Variants in WDFY4 observed in about 807,000 individuals in gnomAD.
WDFY4 encodes the protein WD repeat- and FYVE domain-containing protein 4.
WDFY4 carries 169 observed loss-of-function variants against 351.9 expected under a neutral mutation model. The observed-to-expected ratio is 0.48, with a 90% CI of 0.42 to 0.55. WDFY4 has a LOEUF of 0.55. Ranked by LOEUF, WDFY4 falls within the 20% of genes least tolerant of loss-of-function variation. The pLI is 0.00. For synonymous variants in WDFY4, 1,622 were observed against 1,574.6 expected (o/e 1.03, Z -0.71); for missense variants, 3,803 against 3,935.6 (o/e 0.97, Z 0.90).
At position 48,784,748 on chromosome 10, in the gene WDFY4, G is replaced by T. The variant is rs184845339; in HGVS notation, c.3577-1891G>T. Among the ~76,000 whole-genome samples the T allele has an allele frequency of 3.5e-3, 525 of 150,350 alleles. 4 individuals are homozygous for T. Among genetic ancestry groups the T allele is most frequent in the African/African-American group, 0.012 (492 of 40,950 alleles). ...GTAGAGATGGGTTTTCACTATGTTGGCCAGGATGGTCTCAATCTCCTGACC... is the reference window on the plus strand; with the variant it reads ...GTAGAGATGGGTTTTCACTATGTTGTCCAGGATGGTCTCAATCTCCTGACC... On this transcript the variant is annotated intron_variant, in intron 19 of 61. Coordinates refer to ENST00000325239, the MANE Select transcript of WDFY4 (RefSeq NM_001394531.1).
chr10:48,840,924 C>A (rs1367570630), intron 39 of WDFY4, among the ~76,000 whole-genome samples: 1 of 152,152 alleles, frequency 6.6e-6, no homozygotes, highest in African/African-American at 2.4e-5. Flanking sequence ...ACATCTTTAT[C>A]TTCATAATAG....
intron 53 of WDFY4, among the ~76,000 whole-genome samples, chr10:48,963,071 G>T (rs1841930752): frequency 6.6e-6 from 1 of 152,210 alleles, no homozygotes; most frequent in Admixed American, 6.5e-5. Context: ...GATGCCCCCT[G>T]TGAGGTTCTG....
intron 51 of WDFY4, among the ~76,000 whole-genome samples, chr10:48,947,324 T>C (rs10776659): frequency 0.4 from 60,392 of 151,708 alleles, 13,781 homozygotes; most frequent in Non-Finnish European, 0.52. Context: ...ATTAGAAAAA[T>C]AAATACGAGA....
chr10:48,911,757 T>C (rs555290782), intron 47 of WDFY4, among the ~76,000 whole-genome samples: 1 of 152,300 alleles, frequency 6.6e-6, no homozygotes, highest in Non-Finnish European at 1.5e-5. Context: ...TAAGCTACTA[T>C]ATTTAGTAGT....
chr10:48,890,693 G>A lies in WDFY4; in HGVS notation c.7282G>A (p.Gly2428Ser), dbSNP rs1283813879. Residue 2428 changes from glycine to serine, a missense_variant, in exon 44 of 62, where the codon GGT (glycine) becomes AGT (serine). This residue lies in a region of WDFY4 where 3,054 missense variants were observed against 3,148.6 expected (regional missense o/e 0.97). Coordinates refer to ENST00000325239, the MANE Select transcript of WDFY4 (RefSeq NM_001394531.1). ...ICENFTLSPT[G>S]DVYCTRHCLS... Reference sequence around the variant, plus strand: ...CGAGAACTTCACACTGTCTCCCACGGGTGATGTCTACTGTACCCGTCACTG... The same window carrying A: ...CGAGAACTTCACACTGTCTCCCACGAGTGATGTCTACTGTACCCGTCACTG... The A allele has an allele frequency of 6.4e-6, 10 of 1,551,484 alleles. No individual in the cohort carries two copies. The highest frequency in any genetic ancestry group is 8.7e-6 in the Non-Finnish European group (10 of 1,146,982).
chr10:48,813,739 T>G (rs2067530587), intron 30 of WDFY4, among the ~76,000 whole-genome samples: 1 of 152,224 alleles, frequency 6.6e-6, no homozygotes. Flanking sequence ...TACATGCCAG[T>G]CTCTAGGGGA....
chr10:48,972,129 T>G (rs1357981020), intron 57 of WDFY4, among the ~76,000 whole-genome samples: 1 of 152,214 alleles, frequency 6.6e-6, no homozygotes, highest in Non-Finnish European at 1.5e-5. Flanking sequence ...GAATCCCACA[T>G]GCTCTTATTT....
chr10:48,970,652 G>T (rs992931783), intron 57 of WDFY4, among the ~76,000 whole-genome samples: 2 of 152,158 alleles, frequency 1.3e-5, no homozygotes, highest in Non-Finnish European at 2.9e-5. Flanking sequence ...AATATTTTTT[G>T]AGCATTTTGC....
At chr10:48,761,202 G>A (rs559970172) in intron 13 of WDFY4, among the ~76,000 whole-genome samples, 63 of 152,296 alleles carry the variant, frequency 4.1e-4, no homozygotes, top group African/African-American at 1.4e-3. Flanking sequence ...CAAATTGGAA[G>A]GGCCAGGAGC....
intron 12 of WDFY4, among the ~76,000 whole-genome samples, chr10:48,746,526 T>C (rs2065019986): frequency 6.6e-6 from 1 of 152,326 alleles, no homozygotes; most frequent in Middle Eastern, 3.4e-3. Flanking sequence ...TGTGGTATTA[T>C]TTCTCATTTA....
At chr10:48,799,742 C>T (rs184481475) in intron 24 of WDFY4, among the ~76,000 whole-genome samples, 128 of 152,276 alleles carry the variant, frequency 8.4e-4, no homozygotes, top group African/African-American at 2.9e-3. Flanking sequence ...CATTGCATTC[C>T]AGCCTGGGCG....
chr10:48,935,116 G>A (rs1272041906), intron 47 of WDFY4: 1 of 152,276 alleles, frequency 6.6e-6, no homozygotes. Context: ...GATCCAAGCA[G>A]TTGTTTGGCA....
At chr10:48,778,324 A>G (rs1316432358) in intron 17 of WDFY4, among the ~76,000 whole-genome samples, 1 of 152,184 alleles carries the variant, frequency 6.6e-6, no homozygotes, top group Non-Finnish European at 1.5e-5. Flanking sequence ...GCCCTTTCCT[A>G]TCCAAGGTTC....
At chr10:48,958,417 C>T (rs902367683) in intron 52 of WDFY4, among the ~76,000 whole-genome samples, 2 of 152,076 alleles carry the variant, frequency 1.3e-5, no homozygotes, top group African/African-American at 2.4e-5. Context: ...CTGGCCAGCC[C>T]GGGGTTAGAG....
intron 1 of WDFY4, among the ~76,000 whole-genome samples, chr10:48,690,774 C>T (rs1481707538): frequency 6.6e-6 from 1 of 152,228 alleles, no homozygotes; most frequent in South Asian, 2.1e-4. Context: ...TCTCCATCCT[C>T]TGCTCTGTTC....
intron 47 of WDFY4, among the ~76,000 whole-genome samples, chr10:48,914,549 C>A (rs946228170): frequency 7.9e-5 from 12 of 152,182 alleles, no homozygotes; most frequent in African/African-American, 2.2e-4. Flanking sequence ...CAACCCAGAG[C>A]CATGTGTGTG....
chr10:48,960,964 T>G (rs1841832774), intron 53 of WDFY4, among the ~76,000 whole-genome samples: 1 of 152,248 alleles, frequency 6.6e-6, no homozygotes, highest in African/African-American at 2.4e-5. Flanking sequence ...GGGGACTTTT[T>G]GAGCCGAGGG....
chr10:48,918,383 A>G (rs573273664), intron 47 of WDFY4, among the ~76,000 whole-genome samples: 2 of 152,216 alleles, frequency 1.3e-5, no homozygotes, highest in Non-Finnish European at 2.9e-5. Context: ...AAAAGAATGT[A>G]AAAAGACATA....
At chr10:48,754,113 A>C (rs1253309730) in intron 12 of WDFY4, among the ~76,000 whole-genome samples, 1 of 152,154 alleles carries the variant, frequency 6.6e-6, no homozygotes, top group African/African-American at 2.4e-5. Context: ...AATATAAATC[A>C]TACTTGGTCA....
Sources: allele counts gnomAD v4.1 joint callset (sites outside exome capture counted in the v4.1 genomes callset), GRCh38; gene constraint gnomAD v4.1.1; regional missense constraint gnomAD v4.1.1; transcripts MANE v1.5; gene names NCBI Gene and HGNC (gene_info 2026-07-23, HGNC 2026-07-21).